Variants in GABRG3 observed in about 807,000 individuals in gnomAD.
The protein encoded by GABRG3 is gamma-aminobutyric acid type A receptor subunit gamma3, also known as gamma-aminobutyric acid receptor subunit gamma-3.
Under a neutral mutation model 48.8 loss-of-function variants are expected in GABRG3, and 25 were observed. The observed-to-expected ratio is 0.51, with a 90% CI of 0.37 to 0.72. GABRG3 has a LOEUF of 0.72. Ranked by LOEUF, GABRG3 falls within the 30% of genes least tolerant of loss-of-function variation. The pLI, the probability that GABRG3 is intolerant of heterozygous loss-of-function variation, is 0.00. For missense variants in GABRG3, 394 were observed against 577.9 expected (o/e 0.68, Z 3.26); for synonymous variants, 227 against 217.6 (o/e 1.04, Z -0.38).
intron 3 of GABRG3, among the ~76,000 whole-genome samples, chr15:27,046,682 A>G (rs990503818): frequency 1.3e-5 from 2 of 152,210 alleles, no homozygotes; most frequent in African/African-American, 2.4e-5. Flanking sequence ...AAGTCACAGC[A>G]TGTTGGTGTT....
intron 2 of GABRG3, among the ~76,000 whole-genome samples, chr15:27,017,869 C>CAA (rs758217686): frequency 3.3e-5 from 5 of 152,186 alleles, no homozygotes; most frequent in Non-Finnish European, 7.4e-5. Flanking sequence ...TTGCTGGTGT[C>CAA]ACTTTGTTCA....
At chr15:27,122,646 G>A (rs1277955612) in intron 3 of GABRG3, among the ~76,000 whole-genome samples, 1 of 152,216 alleles carries the variant, frequency 6.6e-6, no homozygotes. Flanking sequence ...CAGACAGCCT[G>A]TGCCCTGGAG....
intron 3 of GABRG3, among the ~76,000 whole-genome samples, chr15:27,248,135 T>C (rs1292585821): frequency 6.6e-6 from 1 of 152,246 alleles, no homozygotes; most frequent in African/African-American, 2.4e-5. Context: ...CACCTCCTTA[T>C]TTTCTAACTC....
At chr15:27,001,173 G>A (rs1465237710) in intron 2 of GABRG3, among the ~76,000 whole-genome samples, 1 of 152,254 alleles carries the variant, frequency 6.6e-6, no homozygotes, top group South Asian at 2.1e-4. Flanking sequence ...GCCTGATATA[G>A]ATTGTCTTGA....
rs1891649163 is a variant in GABRG3, at chr15:27,540,902, T to A, written c.*8021T>A. 1 of 152,216 alleles carries A rather than the reference T, an allele frequency of 6.6e-6. No homozygotes were observed. The highest frequency in any genetic ancestry group is 1.5e-5 in the Non-Finnish European group (1 of 68,050). The allele number at this position is 152,216 out of a possible 1,614,324, so 9.4% of individuals were successfully genotyped here. ...TTAATAATGTGTGTCACTCTACCCATCACCCCAAATTTAGCTGAAACAAGT... is the reference window on the plus strand; with the variant it reads ...TTAATAATGTGTGTCACTCTACCCAACACCCCAAATTTAGCTGAAACAAGT... On this transcript the variant is annotated 3_prime_UTR_variant, in exon 10 of 10. Transcript: ENST00000615808.
chr15:27,273,731 T>C (rs1891162983), intron 3 of GABRG3, among the ~76,000 whole-genome samples: 1 of 152,222 alleles, frequency 6.6e-6, no homozygotes, highest in South Asian at 2.1e-4. Context: ...ATAGTATCAG[T>C]ATAATACACA....
intron 9 of GABRG3, among the ~76,000 whole-genome samples, chr15:27,529,933 A>G (rs951390425): frequency 6.6e-6 from 1 of 152,096 alleles, no homozygotes; most frequent in African/African-American, 2.4e-5. Flanking sequence ...TAATGACCTT[A>G]AAGGAAGTAC....
At chr15:27,262,208 G>C (rs1313099643) in intron 3 of GABRG3, among the ~76,000 whole-genome samples, 1 of 152,196 alleles carries the variant, frequency 6.6e-6, no homozygotes, top group Non-Finnish European at 1.5e-5. Flanking sequence ...TGAGTGCCTC[G>C]GTCTTTAATG....
At chr15:27,379,454 G>T (rs536920222) in intron 5 of GABRG3, among the ~76,000 whole-genome samples, 1 of 152,190 alleles carries the variant, frequency 6.6e-6, no homozygotes, top group South Asian at 2.1e-4. Context: ...TTATCTGTCA[G>T]ATCAATTAAG....
chr15:27,019,286 G>A (rs1180652663), intron 2 of GABRG3, among the ~76,000 whole-genome samples: 2 of 151,814 alleles, frequency 1.3e-5, no homozygotes, highest in Non-Finnish European at 2.9e-5. Context: ...TAGCCAGGAT[G>A]GTCTCAATCT....
At chr15:27,221,141 T>A (rs1352368879) in intron 3 of GABRG3, among the ~76,000 whole-genome samples, 1 of 152,342 alleles carries the variant, frequency 6.6e-6, no homozygotes, top group East Asian at 1.9e-4. Context: ...ACAAAACAGA[T>A]GATTAAAATC....
chr15:27,475,578 G>A (rs1889914279), intron 5 of GABRG3, among the ~76,000 whole-genome samples: 1 of 151,974 alleles, frequency 6.6e-6, no homozygotes, highest in Non-Finnish European at 1.5e-5. Flanking sequence ...AACAGTGGTG[G>A]TGATGGTGAT....
At chr15:27,152,854 C>T (rs973892029) in intron 3 of GABRG3, among the ~76,000 whole-genome samples, 12 of 150,452 alleles carry the variant, frequency 8.0e-5, no homozygotes, top group African/African-American at 2.2e-4. Flanking sequence ...TGATCCTTTT[C>T]GAGTTAATTT....
rs1308607807 is a variant in GABRG3 at position 27,005,138 on chromosome 15, A to G, written c.203-21616A>G. 3.3e-5 allele frequency among the ~76,000 whole-genome samples: 5 copies of G among 152,104 alleles called. 1 individual carries two copies. In the South Asian group the frequency reaches 1.0e-3, roughly 32 times the overall value. On this transcript the variant is annotated intron_variant, in intron 2 of 9. Transcript: ENST00000615808. ...AATTTTCTAGCAGGATCATGGCAGT[A>G]TTTGTCTAAACTATTTAACATTTTC... is the stretch of plus-strand genomic sequence containing the variant.
chr15:27,451,350 A>G (rs1221964589), intron 5 of GABRG3, among the ~76,000 whole-genome samples: 1 of 152,158 alleles, frequency 6.6e-6, no homozygotes, highest in Non-Finnish European at 1.5e-5. Context: ...ACACAAACCA[A>G]TGGAACAGAA....
intron 3 of GABRG3, among the ~76,000 whole-genome samples, chr15:27,195,110 CATTTAGGAATT>C (rs1372506896): frequency 0.026 from 9 of 344 alleles, no homozygotes; most frequent in Non-Finnish European, 0.042. Context: ...TGAGCTTTTT[CATTTAGGAATT>C]TCTTTCAGGA....
intron 3 of GABRG3, among the ~76,000 whole-genome samples, chr15:27,060,220 T>C (rs1896621792): frequency 6.6e-6 from 1 of 152,264 alleles, no homozygotes; most frequent in Non-Finnish European, 1.5e-5. Flanking sequence ...CATATTTGTC[T>C]AATGTGAACT....
chr15:27,388,303 G>C (rs191391211), intron 5 of GABRG3, among the ~76,000 whole-genome samples: 792 of 36,186 alleles, frequency 0.022, 127 homozygotes, highest in East Asian at 0.092. Context: ...AAAGAAGGAA[G>C]GAAAGGGAGG....
chr15:27,142,167 C>T (rs1237913556), intron 3 of GABRG3, among the ~76,000 whole-genome samples: 3 of 152,078 alleles, frequency 2.0e-5, no homozygotes, highest in Non-Finnish European at 4.4e-5. Flanking sequence ...TATAATTTTT[C>T]CATTTTTCAT....
Sources: allele counts gnomAD v4.1 joint callset (sites outside exome capture counted in the v4.1 genomes callset), GRCh38; gene constraint gnomAD v4.1.1; transcripts MANE v1.5; gene names NCBI Gene and HGNC (gene_info 2026-07-23, HGNC 2026-07-21).